NPHP4: variants seen among roughly 807,000 people sequenced by gnomAD.
NPHP4 encodes nephrocystin-4.
In NPHP4, 151 loss-of-function variants were observed where a neutral mutation model predicts 155.8. That is an observed-to-expected ratio of 0.97 (90% CI 0.85 to 1.11). The LOEUF (loss-of-function observed/expected upper bound fraction) is 1.11, where lower values mean the gene tolerates loss of function less well. NPHP4 is among the 50% of genes least tolerant of loss of function. NPHP4 has a pLI of 0.00. For missense variants in NPHP4, 1,956 were observed against 1,925.7 expected, an observed-to-expected ratio of 1.02 and a Z score of -0.29; for synonymous variants, 845 against 816.8, an observed-to-expected ratio of 1.03 and a Z score of -0.59.
chr1:5,864,852 C>G, intron 27 of NPHP4: 1 of 560,968 alleles, frequency 1.8e-6, no homozygotes, highest in African/African-American at 1.9e-5. Flanking sequence ...CACCAGAGCT[C>G]CTGTCACTGT....
chr1:5,921,607 G>A (rs1312644448), intron 11 of NPHP4, among the ~76,000 whole-genome samples: 1 of 152,170 alleles, frequency 6.6e-6, no homozygotes, highest in Non-Finnish European at 1.5e-5. Flanking sequence ...ATGGTTATTG[G>A]TTATTCTGGT....
intron 6 of NPHP4, among the ~76,000 whole-genome samples, chr1:5,953,425 G>A (rs796312229): frequency 2.7e-4 from 41 of 152,218 alleles, no homozygotes; most frequent in African/African-American, 8.4e-4. Context: ...TTTATAATTC[G>A]ACAACTCAAA....
chr1:5,949,423 C>T (rs1413622091), intron 7 of NPHP4, among the ~76,000 whole-genome samples: 2 of 150,896 alleles, frequency 1.3e-5, no homozygotes, highest in Non-Finnish European at 2.9e-5. Flanking sequence ...TTCATTCTCA[C>T]AACTAAATAG....
chr1:5,947,326 C>A, intron 8 of NPHP4, 96 bp from the exon 9 acceptor site: 1 of 1,365,524 alleles, frequency 7.3e-7, no homozygotes, highest in Non-Finnish European at 1.0e-6. Context: ...AAGGGGACAC[C>A]CTGGGGGACA....
In NPHP4 at chr1:5,867,995, AC is replaced by A. The variant is rs752913485; in HGVS notation, c.3316-100del. 5.2e-5 allele frequency: 66 copies of A among 1,280,798 alleles called. No individual in the cohort carries two copies. The highest frequency in any genetic ancestry group is 2.5e-4 in the African/African-American group (17 of 68,426). 79.3% of individuals were successfully genotyped at this position (1,280,798 alleles called of 1,614,324 possible). ...CACACGTATCTCCACTGTTGCCAAG[AC>A]CCCCTCACCCTCCACTGCCATGAGC... is the stretch of plus-strand genomic sequence containing the variant. On this transcript the variant is annotated intron_variant, in intron 23 of 29. Coordinates refer to ENST00000378156, the MANE Select transcript of NPHP4 (RefSeq NM_015102.5). The surrounding 1 kb of genome is among the most constrained non-coding windows in gnomAD (Gnocchi z 4.1).
chr1:5,979,421 G>A (rs1054125787), intron 2 of NPHP4, among the ~76,000 whole-genome samples: 2 of 152,200 alleles, frequency 1.3e-5, no homozygotes, highest in Non-Finnish European at 2.9e-5. Context: ...CAGGGAGTTT[G>A]GGGAGAGGGA....
At chr1:5,946,646 A>C (rs1217830788) in intron 9 of NPHP4, among the ~76,000 whole-genome samples, 1 of 152,220 alleles carries the variant, frequency 6.6e-6, no homozygotes, top group Non-Finnish European at 1.5e-5. Context: ...TTGTGTGCTA[A>C]TGAGATGACT....
chr1:5,960,913 G>A (rs1012669455), intron 6 of NPHP4, among the ~76,000 whole-genome samples: 4 of 152,136 alleles, frequency 2.6e-5, no homozygotes, highest in African/African-American at 7.2e-5. Flanking sequence ...GCACACCCAT[G>A]TTCACAGCAG....
At chr1:5,887,497 G>A (rs977682642) in intron 17 of NPHP4, 31 bp from the exon 18 acceptor site, 31 of 1,608,138 alleles carry the variant, frequency 1.9e-5, no homozygotes, top group Non-Finnish European at 2.4e-5. Flanking sequence ...TTCAGAGGCT[G>A]GAGCCGGCCC....
At chr1:5,888,102 TG>T (rs1643914971) in intron 17 of NPHP4, among the ~76,000 whole-genome samples, 1 of 152,162 alleles carries the variant, frequency 6.6e-6, no homozygotes, top group Non-Finnish European at 1.5e-5. Flanking sequence ...AGCCCTGGGC[TG>T]GGGTTTGGCC....
intron 9 of NPHP4, among the ~76,000 whole-genome samples, chr1:5,938,339 G>A (rs1360173461): frequency 6.6e-6 from 1 of 152,338 alleles, no homozygotes; most frequent in South Asian, 2.1e-4. Flanking sequence ...AGCCAGGCTG[G>A]CGTTGGTGCC....
Position 5,986,026 on chromosome 1 carries a change from G to A in NPHP4, c.135+129C>T, listed in dbSNP as rs1655427727. The A allele has an allele frequency of 5.4e-6, 5 of 921,510 alleles. No individual in the cohort carries two copies. The East Asian group carries it at 1.3e-4, about 24-fold the overall frequency. The allele number at this position is 921,510 out of a possible 1,614,324, so 57.1% of individuals were successfully genotyped here. ...AAAGTGAAAAACAGAATGGCTATAT[G>A]GGTACCACCATAAAGTAGCAAAATC... is the stretch of plus-strand genomic sequence containing the variant. On this transcript the variant is annotated intron_variant, in intron 2 of 29. Coordinates refer to ENST00000378156, the MANE Select transcript of NPHP4 (RefSeq NM_015102.5).
chr1:5,884,769 C>T (rs1412073173), intron 18 of NPHP4, among the ~76,000 whole-genome samples: 1 of 146,650 alleles, frequency 6.8e-6, no homozygotes, highest in Non-Finnish European at 1.5e-5. Flanking sequence ...CCCTGCCAAA[C>T]CCCCATCCTA....
chr1:5,947,855 A>G (rs987189824), intron 8 of NPHP4, among the ~76,000 whole-genome samples: 1 of 151,996 alleles, frequency 6.6e-6, no homozygotes, highest in African/African-American at 2.4e-5. Flanking sequence ...CTAACCCCCA[A>G]ATTGTCAGAG....
Position 5,867,219 on chromosome 1 carries a change from G to C in NPHP4, c.3473-104C>G, listed in dbSNP as rs1164899293. 1 of 845,394 alleles carries C rather than the reference G, an allele frequency of 1.2e-6. No homozygotes were observed. Among genetic ancestry groups the C allele is most frequent in the East Asian group, 2.7e-5 (1 of 37,156 alleles). 52.4% of individuals were successfully genotyped at this position (845,394 alleles called of 1,614,324 possible). On this transcript the variant is annotated intron_variant, in intron 24 of 29. Transcript: ENST00000378156. The surrounding 1 kb of genome is among the most constrained non-coding windows in gnomAD (Gnocchi z 4.1). ...ATAGGACAGGACAGGCTCGTCACAG[G>C]TGCTCAGCAAGACACCTGCTGGGGA...
At chr1:5,967,457 G>C in intron 4 of NPHP4, 94 bp from the exon 5 acceptor site, 3 of 952,914 alleles carry the variant, frequency 3.1e-6, no homozygotes, top group Non-Finnish European at 5.0e-6. Flanking sequence ...ACGCCCACTA[G>C]AGCTTTCTAA....
intron 11 of NPHP4, among the ~76,000 whole-genome samples, chr1:5,913,137 G>GT (rs1171204211): frequency 1.4e-5 from 2 of 139,806 alleles, no homozygotes; most frequent in African/African-American, 5.3e-5. Flanking sequence ...GGCAAAAAGA[G>GT]TGAGACTCCA....
At chr1:5,919,820 G>GCCTCGAATT (rs1645651006) in intron 11 of NPHP4, among the ~76,000 whole-genome samples, 1 of 151,874 alleles carries the variant, frequency 6.6e-6, no homozygotes, top group Non-Finnish European at 1.5e-5. Context: ...GTTCACTGCA[G>GCCTCGAATT]CCTCGAATTC....
rs541497915 is a variant in NPHP4 at position 5,917,415 on chromosome 1, AGGG to A, written c.1442-8205_1442-8203del. ...GAAAGGAGAGCTTAAAGGGGAGGGG[AGGG>A]GGTAGGGGCATGAGGGAGAGAGACG... On this transcript the variant is annotated intron_variant, in intron 11 of 29. Transcript: ENST00000378156. Among the ~76,000 whole-genome samples, 644 of 151,958 alleles carry A rather than the reference AGGG, an allele frequency of 4.2e-3. 5 individuals carry two copies. Among genetic ancestry groups the A allele is most frequent in the African/African-American group, 0.014 (597 of 41,468 alleles).
Sources: allele counts gnomAD v4.1 joint callset (sites outside exome capture counted in the v4.1 genomes callset), GRCh38; gene constraint gnomAD v4.1.1; non-coding constraint Gnocchi (gnomAD v3.1); transcripts MANE v1.5; gene names NCBI Gene and HGNC (gene_info 2026-07-23, HGNC 2026-07-21).